Variants in SPIRE2 observed in about 807,000 individuals in gnomAD.
SPIRE2 encodes protein spire homolog 2.
In SPIRE2, 76 loss-of-function variants were observed where a neutral mutation model predicts 80.7. The observed-to-expected ratio is 0.94, with a 90% CI of 0.78 to 1.14. SPIRE2 has a LOEUF of 1.14. Ranked by LOEUF, SPIRE2 falls within the 50% of genes most tolerant of loss-of-function variation. The pLI is 0.00. For missense variants in SPIRE2, 1,196 were observed against 1,015.3 expected, an observed-to-expected ratio of 1.18 and a Z score of -2.42; for synonymous variants, 535 against 432.6, an observed-to-expected ratio of 1.24 and a Z score of -2.94.
At chr16:89,849,574 C>T (rs565289906) in intron 2 of SPIRE2, among the ~76,000 whole-genome samples, 1 of 152,332 alleles carries the variant, frequency 6.6e-6, no homozygotes, top group Admixed American at 6.5e-5. Context: ...CCATCGACCT[C>T]CTGTGTCCGA....
rs1197500871 is a variant in SPIRE2 at position 89,863,559 on chromosome 16, G to A, written c.1659G>A (p.Met553Ile). The A allele has an allele frequency of 3.7e-6, 6 of 1,614,090 alleles. No homozygotes were observed. The highest frequency in any genetic ancestry group is 5.1e-6 in the Non-Finnish European group (6 of 1,180,034). Reference protein sequence around the residue: ...DVRRVLVKAEMEKFLQNKELF... With the variant: ...DVRRVLVKAEIEKFLQNKELF... ...GCCGTGTGCTGGTGAAGGCCGAGAT[G>A]GAAAAGTTTTTGCAGAACAAGGAGC... Residue 553 changes from methionine (M) to isoleucine (I), a missense_variant, in exon 11 of 15, where the codon ATG becomes ATA. Transcript: ENST00000378247. This position sits in a 1 kb window ranked among gnomAD's most constrained non-coding sequence, Gnocchi z 4.3.
At chr16:89,865,654 A>G (rs2041782582) in intron 12 of SPIRE2, among the ~76,000 whole-genome samples, 1 of 152,192 alleles carries the variant, frequency 6.6e-6, no homozygotes, top group Non-Finnish European at 1.5e-5. Context: ...AGTAAAAGTT[A>G]GAATTTCCCA....
chr16:89,858,284 G>A lies in SPIRE2; in HGVS notation c.1103-54G>A, dbSNP rs868781179. On this transcript the variant is annotated intron_variant, in intron 7 of 14. Coordinates refer to ENST00000378247, the MANE Select transcript of SPIRE2 (RefSeq NM_032451.2). ...GGTGCACACAAAGCTGTCAGCTCCT[G>A]CCTGCTGTCTCCCCGTTCACTGGCC... The A allele has an allele frequency of 5.0e-5, 74 of 1,494,470 alleles. 1 individual carries two copies. The Middle Eastern group carries it at 1.9e-3, about 37-fold the overall frequency. The allele number at this position is 1,494,470 out of a possible 1,614,324, so 92.6% of individuals were successfully genotyped here.
At chr16:89,853,794 G>A (rs7202186) in intron 3 of SPIRE2, among the ~76,000 whole-genome samples, 6,931 of 152,082 alleles carry the variant, frequency 0.046, 574 homozygotes, top group African/African-American at 0.16. Context: ...TCACCACAGT[G>A]TTGGCACCTT....
At chr16:89,853,800 A>T (rs1200690734) in intron 3 of SPIRE2, among the ~76,000 whole-genome samples, 1 of 151,966 alleles carries the variant, frequency 6.6e-6, no homozygotes, top group Non-Finnish European at 1.5e-5. Context: ...CAGTGTTGGC[A>T]CCTTCCCCAG....
chr16:89,845,144 C>T (rs1268732932), intron 1 of SPIRE2, among the ~76,000 whole-genome samples, 178 bp from the exon 2 acceptor site: 3 of 152,166 alleles, frequency 2.0e-5, no homozygotes, highest in African/African-American at 7.2e-5. Flanking sequence ...CAGCTCGAGC[C>T]GGGCCTCATG....
intron 1 of SPIRE2, among the ~76,000 whole-genome samples, chr16:89,843,408 G>A (rs962567123): frequency 2.0e-5 from 3 of 152,028 alleles, no homozygotes; most frequent in East Asian, 3.9e-4. Context: ...GCTTCCACCT[G>A]CATTTCCACT....
At chr16:89,845,939 C>T (rs2041554881) in intron 2 of SPIRE2, 2 of 359,552 alleles carry the variant, frequency 5.6e-6, no homozygotes, top group Middle Eastern at 7.6e-4. Flanking sequence ...CTCTGTCGCC[C>T]AGGCTGGAGT....
chr16:89,848,795 T>C (rs375273306), intron 2 of SPIRE2, among the ~76,000 whole-genome samples: 5 of 150,136 alleles, frequency 3.3e-5, no homozygotes, highest in African/African-American at 1.2e-4. Flanking sequence ...TTCTGTGGTG[T>C]TTCTGCAGGA....
At chr16:89,849,900 C>G in intron 2 of SPIRE2, 1 of 347,106 alleles carries the variant, frequency 2.9e-6, no homozygotes, top group South Asian at 2.2e-5. Flanking sequence ...TGCAGAGGCC[C>G]GATCTCGGTT....
intron 8 of SPIRE2, among the ~76,000 whole-genome samples, chr16:89,858,866 A>C (rs2041716735): frequency 6.6e-6 from 1 of 152,174 alleles, no homozygotes; most frequent in Admixed American, 6.5e-5. Flanking sequence ...TGCCCTGTGA[A>C]TGGGACGCTC....
At position 89,856,212 on chromosome 16, in the gene SPIRE2, C is replaced by G; in HGVS notation, c.1078C>G (p.Arg360Gly). 1 of 1,589,836 alleles carries G rather than the reference C, an allele frequency of 6.3e-7. No individual in the cohort carries two copies. The highest frequency in any genetic ancestry group is 8.6e-7 in the Non-Finnish European group (1 of 1,169,458). The change falls in exon 7 of 15, where the codon CGG becomes GGG. Residue 360 changes from arginine to glycine, a missense_variant. By Grantham distance (125) the Arg-to-Gly change is moderately radical. Transcript: ENST00000378247. Reference protein sequence around the residue: ...IKQERRLRPVRGEGWAARGFG... With the variant: ...IKQERRLRPVGGEGWAARGFG... Reference sequence around the variant, plus strand: ...GCAGGAGCGGAGGCTGCGCCCGGTGCGGGGCGAGGGCTGGGCTGCCCGCGG... The same window carrying G: ...GCAGGAGCGGAGGCTGCGCCCGGTGGGGGGCGAGGGCTGGGCTGCCCGCGG...
intron 1 of SPIRE2, among the ~76,000 whole-genome samples, chr16:89,830,613 A>G (rs2041369984): frequency 6.6e-6 from 1 of 151,124 alleles, no homozygotes; most frequent in Admixed American, 6.6e-5. Context: ...ATAGGAAAAC[A>G]TCCAATCTCA....
rs1294058465 is a variant in SPIRE2, at chr16:89,856,369, C to G, written c.1102+133C>G. On this transcript the variant is annotated intron_variant, in intron 7 of 14. Transcript: ENST00000378247. ...TGAACCCATGGAAGACACAGAACAT[C>G]TTAATTTTTGAGGCACACAGGCTTT... 4.4e-6 allele frequency: 4 copies of G among 919,174 alleles called. No individual in the cohort carries two copies. In the Admixed American group the frequency reaches 1.2e-4, roughly 28 times the overall value. 56.9% of individuals were successfully genotyped at this position (919,174 alleles called of 1,614,324 possible). A position where few individuals can be genotyped will look rare whatever the true frequency, so the allele number is the denominator to read the frequency against.
In SPIRE2 at chr16:89,863,840, C is replaced by G; in HGVS notation, c.1757C>G (p.Pro586Arg). The G allele has an allele frequency of 6.2e-7, 1 of 1,613,814 alleles. No homozygotes were observed. Among genetic ancestry groups the G allele is most frequent in the Non-Finnish European group, 8.5e-7 (1 of 1,179,894 alleles). Residue 586 changes from proline (P) to arginine (R), a missense_variant, in exon 12 of 15, where the codon CCC becomes CGC. Coordinates refer to ENST00000378247, the MANE Select transcript of SPIRE2 (RefSeq NM_032451.2). The surrounding 1 kb of genome is among the most constrained non-coding windows in gnomAD (Gnocchi z 4.3). The part of the protein sequence containing the change: ...RAKFPLFSWP[P>R]SCLFCKRAVC... ...AAGTTCCCGCTGTTCTCGTGGCCGC[C>G]CAGCTGTCTCTTCTGCAAGAGGTGA...
intron 9 of SPIRE2, among the ~76,000 whole-genome samples, chr16:89,860,168 G>C (rs953189054): frequency 5.3e-5 from 8 of 152,176 alleles, no homozygotes; most frequent in African/African-American, 1.7e-4. Context: ...GCTCATTCTG[G>C]GGCTCAGACA....
At chr16:89,869,759 G>C in intron 14 of SPIRE2, 77 bp downstream of exon 14, 2 of 1,142,986 alleles carry the variant, frequency 1.7e-6, no homozygotes, top group Non-Finnish European at 2.6e-6. Flanking sequence ...GGGTGGAGGG[G>C]GCTGGCTTTG....
At chr16:89,839,021 G>A (rs979885919) in intron 1 of SPIRE2, among the ~76,000 whole-genome samples, 1 of 151,222 alleles carries the variant, frequency 6.6e-6, no homozygotes, top group Non-Finnish European at 1.5e-5. Context: ...TGTCTCAAGT[G>A]GACACATCTG....
At position 89,850,500 on chromosome 16, in the gene SPIRE2, C is replaced by T; in HGVS notation, c.485C>T (p.Pro162Leu). 6 of 1,528,430 alleles carry T rather than the reference C, an allele frequency of 3.9e-6. No homozygotes were observed. The highest frequency in any genetic ancestry group is 1.3e-5 in the South Asian group (1 of 79,730). 94.7% of individuals were successfully genotyped at this position (1,528,430 alleles called of 1,614,324 possible). ...PEEEEEAEGV[P>L]RSVRTFAQAM... ...GAGGAGGAGGAGGCCGAGGGCGTCC[C>T]CCGCAGCGTGCGCACCTTTGCCCAG... The change falls in exon 3 of 15, where the codon CCC (proline) becomes CTC (leucine). Residue 162 changes from proline (P) to leucine (L), a missense_variant. Coordinates refer to ENST00000378247, the MANE Select transcript of SPIRE2 (RefSeq NM_032451.2).
Sources: gnomAD v4.1 joint callset for allele counts (sites outside exome capture counted in the v4.1 genomes callset) on GRCh38, gnomAD v4.1.1 for gene constraint, Gnocchi (gnomAD v3.1) non-coding constraint, MANE v1.5 for transcripts, NCBI Gene and HGNC (gene_info 2026-07-23, HGNC 2026-07-21) for gene names.